PTPRN2: variants seen among roughly 807,000 people sequenced by gnomAD.
PTPRN2 encodes protein tyrosine phosphatase receptor type N2, also known as receptor-type tyrosine-protein phosphatase N2.
Under a neutral mutation model 118.8 loss-of-function variants are expected in PTPRN2, and 74 were observed. That is an observed-to-expected ratio of 0.62 (90% confidence interval 0.52 to 0.76). PTPRN2 has a LOEUF of 0.76. PTPRN2 is among the 30% of genes least tolerant of loss of function. PTPRN2 has a pLI of 0.00. For missense variants in PTPRN2, 1,481 were observed against 1,394.4 expected, an observed-to-expected ratio of 1.06 and a Z score of -0.99; for synonymous variants, 641 against 608.0, an observed-to-expected ratio of 1.05 and a Z score of -0.80.
rs1795556839 is a variant in PTPRN2, at chr7:157,874,005, C to T, written c.1788+24668G>A. Among the ~76,000 whole-genome samples the T allele has an allele frequency of 6.6e-6, 1 of 152,208 alleles. No homozygotes were observed. Among genetic ancestry groups the T allele is most frequent in the Admixed American group, 6.5e-5 (1 of 15,282 alleles). On this transcript the variant is annotated intron_variant, in intron 12 of 22. Coordinates refer to ENST00000389418, the MANE Select transcript of PTPRN2 (RefSeq NM_002847.5). The surrounding 1 kb of genome is among the most constrained non-coding windows in gnomAD (Gnocchi z 5.8). ...GGCAAAGTCCCAGGACCCTGAGCAG[C>T]CTCGGGAAGAGCTCTCGGGACCTCG...
intron 1 of PTPRN2, among the ~76,000 whole-genome samples, chr7:158,575,008 A>T (rs1828249135): frequency 6.6e-6 from 1 of 152,246 alleles, no homozygotes; most frequent in South Asian, 2.1e-4. Context: ...TTCAAAGGAC[A>T]TATTTTTCTT....
At chr7:158,399,536 G>A (rs976801641) in intron 2 of PTPRN2, among the ~76,000 whole-genome samples, 2 of 152,092 alleles carry the variant, frequency 1.3e-5, no homozygotes, top group Non-Finnish European at 2.9e-5. Flanking sequence ...CCTGCCTGTG[G>A]TCTCAGCTAC....
intron 3 of PTPRN2, among the ~76,000 whole-genome samples, chr7:158,213,206 TTGTGTGTGTGTGTGTGTGTGTGTGTGTG>T (rs57665784): frequency 2.1e-5 from 3 of 140,428 alleles, no homozygotes; most frequent in East Asian, 2.1e-4. Flanking sequence ...GGCTCTGTGC[TTGTGTGTGTGTGTGTGTGTGTGTGTGTG>T]TGTGTGTGTG....
intron 12 of PTPRN2, among the ~76,000 whole-genome samples, chr7:157,835,276 C>G (rs937891798): frequency 3.9e-5 from 6 of 152,070 alleles, no homozygotes; most frequent in Non-Finnish European, 8.8e-5. Context: ...ACACACAACA[C>G]AACGGGAAAA....
intron 9 of PTPRN2, among the ~76,000 whole-genome samples, chr7:158,131,437 A>G (rs1481846169): frequency 1.3e-5 from 2 of 151,016 alleles, no homozygotes; most frequent in African/African-American, 2.5e-5. Context: ...ACACACGAAC[A>G]TACAAACTGA....
intron 2 of PTPRN2, among the ~76,000 whole-genome samples, chr7:158,458,731 C>T (rs1733164): frequency 0.53 from 80,116 of 151,958 alleles, 21,391 homozygotes; most frequent in Non-Finnish European, 0.55. Context: ...ACTGTGAAGC[C>T]GGTACCCCCA....
chr7:157,634,309 C>T (rs1301816179), intron 14 of PTPRN2, among the ~76,000 whole-genome samples: 1 of 152,190 alleles, frequency 6.6e-6, no homozygotes, highest in Non-Finnish European at 1.5e-5. Flanking sequence ...CTGAAAAATT[C>T]TATCCACAAC....
At position 158,167,089 on chromosome 7, in the gene PTPRN2, G is replaced by T; in HGVS notation, c.752C>A (p.Ala251Asp). 2 of 1,609,224 alleles carry T rather than the reference G, an allele frequency of 1.2e-6. No individual in the cohort carries two copies. The highest frequency in any genetic ancestry group is 2.2e-5 in the South Asian group (2 of 90,556). The change falls in exon 6 of 23, where the codon GCC becomes GAC. Residue 251 changes from alanine (A) to aspartate (D), a missense_variant. This residue lies in a region of PTPRN2 where 1,115 missense variants were observed against 994.2 expected (regional missense o/e 1.12). Transcript: ENST00000389418. ...HLMAALSAYA[A>D]QRPPAPPGEG... ...CCCGGGGGGAGCTGGGGGCCTCTGG[G>T]CAGCATAGGCACTGAGGGCCGCCAT...
intron 12 of PTPRN2, among the ~76,000 whole-genome samples, chr7:157,894,825 A>ACC (rs1427833560): frequency 4.6e-5 from 7 of 152,160 alleles, no homozygotes; most frequent in African/African-American, 7.2e-5. Flanking sequence ...AGGGGGCTGA[A>ACC]CCCCAGATCT....
chr7:158,113,277 G>C (rs1314954413), intron 9 of PTPRN2, among the ~76,000 whole-genome samples: 1 of 152,142 alleles, frequency 6.6e-6, no homozygotes, highest in Non-Finnish European at 1.5e-5. Flanking sequence ...CCTGCAGCCT[G>C]TTCAGCATTG....
chr7:157,759,098 T>C (rs1243457768), intron 12 of PTPRN2, among the ~76,000 whole-genome samples: 1 of 152,250 alleles, frequency 6.6e-6, no homozygotes, highest in Non-Finnish European at 1.5e-5. Flanking sequence ...TGAAAAATCA[T>C]GTCCTGTGAA....
rs553426246 is a variant in PTPRN2 at position 158,098,571 on chromosome 7, G to C, written c.1643+12258C>G. On this transcript the variant is annotated intron_variant, in intron 10 of 22. Coordinates refer to ENST00000389418, the MANE Select transcript of PTPRN2 (RefSeq NM_002847.5). ...GGGCCAGGGGCAGGGAGCAGGCACGGGCGAGGCCCAGCTGCTCTGTGAAAC... is the reference window on the plus strand; with the variant it reads ...GGGCCAGGGGCAGGGAGCAGGCACGCGCGAGGCCCAGCTGCTCTGTGAAAC... 2.0e-5 allele frequency among the ~76,000 whole-genome samples: 3 copies of C among 152,326 alleles called. No individual in the cohort carries two copies. In the South Asian group the frequency reaches 6.2e-4, roughly 32 times the overall value.
intron 12 of PTPRN2, among the ~76,000 whole-genome samples, chr7:157,871,121 A>C (rs1251044345): frequency 6.6e-6 from 1 of 152,206 alleles, no homozygotes. Context: ...CAGAGCTTCC[A>C]AAGTTGACGG....
intron 12 of PTPRN2, among the ~76,000 whole-genome samples, chr7:157,799,059 A>T (rs1024834853): frequency 6.6e-6 from 1 of 152,142 alleles, no homozygotes; most frequent in African/African-American, 2.4e-5. Flanking sequence ...AATGTGACTG[A>T]ATAACGTGGC....
chr7:157,566,821 G>A (rs1400431478), intron 21 of PTPRN2, among the ~76,000 whole-genome samples: 1 of 152,202 alleles, frequency 6.6e-6, no homozygotes, highest in Non-Finnish European at 1.5e-5. Flanking sequence ...GTGAACCTGA[G>A]CCACTCAGAA....
In PTPRN2 at chr7:158,144,422, G is replaced by C. The variant is rs1279008940; in HGVS notation, c.911-5907C>G. ...GGAGGCCAAGGTGGGCGGATTTCTT[G>C]AGCCTAGGAGTTGGAGACCAGCCTG... On this transcript the variant is annotated intron_variant, in intron 6 of 22. Coordinates refer to ENST00000389418, the MANE Select transcript of PTPRN2 (RefSeq NM_002847.5). Among the ~76,000 whole-genome samples, 3 of 152,196 alleles carry C rather than the reference G, an allele frequency of 2.0e-5. No homozygotes were observed. In the South Asian group the frequency reaches 6.2e-4, roughly 32 times the overall value.
rs1360160618 is a variant in PTPRN2 at position 158,205,151 on chromosome 7, C to T, written c.380+20G>A. 6.3e-7 allele frequency: 1 copy of T among 1,591,898 alleles called. No individual in the cohort carries two copies. The highest frequency in any genetic ancestry group is 1.1e-5 in the South Asian group (1 of 90,604). On this transcript the variant is annotated intron_variant, in intron 4 of 22. Transcript: ENST00000389418. ...ACTGTGTCCTGGGAGCAAGGAGCAA[C>T]AAGCCACGTCCACACTTACCTGGCT...
chr7:158,017,266 C>A (rs1473346174), intron 11 of PTPRN2, among the ~76,000 whole-genome samples: 1 of 152,142 alleles, frequency 6.6e-6, no homozygotes, highest in Non-Finnish European at 1.5e-5. Context: ...CCTTGGCTTT[C>A]CCAGCTAGGA....
At chr7:157,768,551 C>T (rs927328827) in intron 12 of PTPRN2, among the ~76,000 whole-genome samples, 10 of 152,168 alleles carry the variant, frequency 6.6e-5, no homozygotes, top group African/African-American at 2.4e-4. Context: ...TGAGGCTCCC[C>T]AGCTCCTGGA....
Sources: allele counts gnomAD v4.1 joint callset (sites outside exome capture counted in the v4.1 genomes callset), GRCh38; gene constraint gnomAD v4.1.1; regional missense constraint gnomAD v4.1.1; non-coding constraint Gnocchi (gnomAD v3.1); transcripts MANE v1.5; gene names NCBI Gene and HGNC (gene_info 2026-07-23, HGNC 2026-07-21).